The following PHACTR1 variants were observed in gnomAD, a reference collection of about 807,000 sequenced individuals.
PHACTR1 encodes the protein RPEL repeat containing 1.
PHACTR1 carries 16 observed loss-of-function variants against 69.2 expected under a neutral mutation model. That is an observed-to-expected ratio of 0.23 (90% CI 0.16 to 0.35). The LOEUF (loss-of-function observed/expected upper bound fraction) is 0.35. Among genes scored for constraint, PHACTR1 ranks in the 10% least tolerant of loss-of-function variants. The pLI is 1.00. For synonymous variants in PHACTR1, 312 were observed against 284.5 expected (o/e 1.10, Z -0.97); for missense variants, 510 against 734.7 (o/e 0.69, Z 3.54).
chr6:13,171,315 T>C (rs1247227016), intron 6 of PHACTR1, among the ~76,000 whole-genome samples: 2 of 152,078 alleles, frequency 1.3e-5, no homozygotes, highest in African/African-American at 4.8e-5. Context: ...TCATCCCCCA[T>C]CCCAGCACTC....
intron 8 of PHACTR1, among the ~76,000 whole-genome samples, chr6:13,226,989 G>A (rs11963839): frequency 0.12 from 18,919 of 152,012 alleles, 1,684 homozygotes; most frequent in Admixed American, 0.24. Flanking sequence ...ACCTGCCTCG[G>A]CCTCCCAAAG....
In PHACTR1 at chr6:13,286,235, G is replaced by C; in HGVS notation, c.1727+13G>C. 6.4e-7 allele frequency: 1 copy of C among 1,560,030 alleles called. No homozygotes were observed. The highest frequency in any genetic ancestry group is 8.6e-7 in the Non-Finnish European group (1 of 1,158,818). Reference sequence around the variant, plus strand: ...GACACTTAACAAGGTTAGTATTAAGGGTTTTTTTTTTCCTTTTTTTCCCTC... The same window carrying C: ...GACACTTAACAAGGTTAGTATTAAGCGTTTTTTTTTTCCTTTTTTTCCCTC... On this transcript the variant is annotated intron_variant, in intron 14 of 14. Transcript: ENST00000332995.
At chr6:12,934,033 T>C (rs191974536) in intron 4 of PHACTR1, 2 of 1,441,592 alleles carry the variant, frequency 1.4e-6, no homozygotes, top group East Asian at 5.0e-5. Context: ...GGTTCTGGAG[T>C]CTTGAAGTCC....
At chr6:13,054,248 G>A (rs537464436) in intron 5 of PHACTR1, among the ~76,000 whole-genome samples, 43 of 152,308 alleles carry the variant, frequency 2.8e-4, no homozygotes, top group African/African-American at 9.6e-4. Context: ...GTTAATATTT[G>A]TGGAGAGTTT....
At chr6:13,276,338 G>A (rs1257052619) in intron 11 of PHACTR1, among the ~76,000 whole-genome samples, 1 of 152,188 alleles carries the variant, frequency 6.6e-6, no homozygotes, top group Non-Finnish European at 1.5e-5. Context: ...CCGTGGGGGT[G>A]GCCCTCAAGG....
At chr6:13,177,377 C>A (rs1340819150) in intron 6 of PHACTR1, among the ~76,000 whole-genome samples, 17 of 131,578 alleles carry the variant, frequency 1.3e-4, no homozygotes, top group African/African-American at 4.4e-4. Flanking sequence ...CTCTCTCTCT[C>A]TCTCTATATA....
chr6:12,845,744 C>T (rs1423233158), intron 4 of PHACTR1, among the ~76,000 whole-genome samples: 2 of 152,158 alleles, frequency 1.3e-5, no homozygotes, highest in African/African-American at 4.8e-5. Context: ...GAATTGTGCA[C>T]ATGCGTCCCT....
chr6:13,187,627 C>T (rs753546898), intron 7 of PHACTR1, among the ~76,000 whole-genome samples: 1 of 152,064 alleles, frequency 6.6e-6, no homozygotes, highest in Non-Finnish European at 1.5e-5. Context: ...CTTGGATCAC[C>T]ATGTAGAAGG....
chr6:12,880,931 A>G (rs8180628), intron 4 of PHACTR1, among the ~76,000 whole-genome samples: 91,231 of 152,042 alleles, frequency 0.6, 29,710 homozygotes, highest in East Asian at 0.94. Context: ...ATCTTTTATC[A>G]TGTAGATTTT....
Position 12,834,332 on chromosome 6 carries a change from A to G in PHACTR1, c.250+84542A>G, listed in dbSNP as rs74815523. ...GACCTGATTGGCATAATACATCTAT[A>G]GATATGAGTAGAAATGTCTCAACCT... On this transcript the variant is annotated intron_variant, in intron 4 of 14. Transcript: ENST00000332995. 7.0e-3 allele frequency among the ~76,000 whole-genome samples: 1,060 copies of G among 152,272 alleles called. 17 individuals are homozygous for G. Among genetic ancestry groups the G allele is most frequent in the African/African-American group, 0.024 (1,009 of 41,562 alleles).
chr6:13,285,864 C>T (rs552657296), intron 13 of PHACTR1, among the ~76,000 whole-genome samples: 1 of 152,284 alleles, frequency 6.6e-6, no homozygotes, highest in Admixed American at 6.5e-5. Flanking sequence ...GGTAGGTGTA[C>T]ACCACCACTG....
chr6:13,287,280 G>C lies in PHACTR1; in HGVS notation c.*202G>C. 1 of 608,484 alleles carries C rather than the reference G, an allele frequency of 1.6e-6. No homozygotes were observed. Among genetic ancestry groups the C allele is most frequent in the Non-Finnish European group, 2.8e-6 (1 of 355,410 alleles). 37.7% of individuals were successfully genotyped at this position (608,484 alleles called of 1,614,324 possible). A position where few individuals can be genotyped will look rare whatever the true frequency, so the allele number is the denominator to read the frequency against. ...TGATGGCTCGGCGGTCCGAGCTGCT[G>C]GTCCCACTTCTGACACCAAAATGCA... On this transcript the variant is annotated 3_prime_UTR_variant, in exon 15 of 15. Coordinates refer to ENST00000332995, the MANE Select transcript of PHACTR1 (RefSeq NM_030948.6).
At chr6:12,718,448 A>G (rs1196688293) in intron 2 of PHACTR1, 1 of 180,856 alleles carries the variant, frequency 5.5e-6, no homozygotes, top group African/African-American at 2.3e-5. Flanking sequence ...CTGGTATGTT[A>G]TCTCTCTTTA....
intron 10 of PHACTR1, among the ~76,000 whole-genome samples, chr6:13,249,764 A>T (rs1388884762): frequency 6.9e-6 from 1 of 144,912 alleles, no homozygotes; most frequent in Non-Finnish European, 1.5e-5. Context: ...GCACCACTGC[A>T]CTCCAGCCTG....
chr6:12,734,544 G>C (rs978993478), intron 3 of PHACTR1, among the ~76,000 whole-genome samples: 2 of 152,136 alleles, frequency 1.3e-5, no homozygotes, highest in African/African-American at 4.8e-5. Flanking sequence ...ACTCAGGAAG[G>C]CTAACCTCAA....
intron 5 of PHACTR1, among the ~76,000 whole-genome samples, chr6:13,139,084 A>G (rs1244629238): frequency 2.7e-5 from 4 of 150,046 alleles, no homozygotes; most frequent in Admixed American, 2.7e-4. Context: ...TAGAGAAATC[A>G]TATCAAGAGG....
chr6:12,733,725 G>T (rs1252514720), intron 3 of PHACTR1, among the ~76,000 whole-genome samples: 1 of 152,200 alleles, frequency 6.6e-6, no homozygotes, highest in Non-Finnish European at 1.5e-5. Context: ...AAGCTCAAGA[G>T]TTTGCCACGC....
rs759477155 is a variant in PHACTR1, at chr6:13,283,620, G to T, written c.1650+58G>T. On this transcript the variant is annotated intron_variant, in intron 13 of 14. Transcript: ENST00000332995. This position sits in a 1 kb window ranked among gnomAD's most constrained non-coding sequence, Gnocchi z 4.7. ...CAGGACCGTCTGCTGGGTCTCGCTGGGCTCACCGCTGGGGAGCGTGTAGGG... is the reference window on the plus strand; with the variant it reads ...CAGGACCGTCTGCTGGGTCTCGCTGTGCTCACCGCTGGGGAGCGTGTAGGG... 4.3e-6 allele frequency: 7 copies of T among 1,612,276 alleles called. No homozygotes were observed. The highest frequency in any genetic ancestry group is 1.3e-5 in the African/African-American group (1 of 74,910).
chr6:13,059,061 C>T (rs566794278), intron 5 of PHACTR1, among the ~76,000 whole-genome samples: 1 of 152,112 alleles, frequency 6.6e-6, no homozygotes, highest in South Asian at 2.1e-4. Context: ...ATGGGTCAAA[C>T]ATGAGAAGGA....
Sources: gnomAD v4.1 joint callset for allele counts (sites outside exome capture counted in the v4.1 genomes callset) on GRCh38, gnomAD v4.1.1 for gene constraint, Gnocchi (gnomAD v3.1) non-coding constraint, MANE v1.5 for transcripts, NCBI Gene and HGNC (gene_info 2026-07-23, HGNC 2026-07-21) for gene names.